Variants in TTLL10 observed in about 807,000 individuals in gnomAD.
TTLL10 encodes the protein inactive polyglycylase TTLL10.
In TTLL10, 61 loss-of-function variants were observed where a neutral mutation model predicts 69.0. The ratio of observed to expected loss-of-function variants is 0.88; its 90% CI spans 0.72 to 1.09. TTLL10 has a LOEUF of 1.09. Among genes scored for constraint, TTLL10 ranks in the 50% least tolerant of loss-of-function variants. The pLI is 0.00. For missense variants in TTLL10, 962 were observed against 945.9 expected (o/e 1.02, Z -0.22); for synonymous variants, 408 against 393.3 (o/e 1.04, Z -0.44).
chr1:1,180,987 C>G, intron 8 of TTLL10, 127 bp downstream of exon 8: 1 of 813,496 alleles, frequency 1.2e-6, no homozygotes. Flanking sequence ...CCCCTGGCCA[C>G]CCAGGCTCCC....
At chr1:1,174,869 G>C (rs544678247) in intron 3 of TTLL10, 1 of 152,382 alleles carries the variant, frequency 6.6e-6, no homozygotes, top group South Asian at 2.1e-4. Context: ...TGTAATCCCA[G>C]CACTTTGGGA....
rs774095895 is a variant in TTLL10, at chr1:1,180,232, C to T, written c.398C>T (p.Pro133Leu). The T allele has an allele frequency of 1.1e-5, 17 of 1,607,502 alleles. No homozygotes were observed. The South Asian group carries it at 1.1e-4, about 10-fold the overall frequency. Residue 133 changes from proline to leucine, a missense_variant, in exon 6 of 16, where the codon CCC (proline) becomes CTC (leucine). Transcript: ENST00000379289. ...ADSDDTNAAG[P>L]SAALLEGLLL... ...TCGGATGACACTAACGCCGCCGGGC[C>T]CTCAGCTGCCCTCCTGGAGGGGCTC...
At position 1,181,617 on chromosome 1, in the gene TTLL10, A is replaced by T; in HGVS notation, c.756-124A>T. ...CCCAGGCACCGCCGTCCACCCAGCC[A>T]CCTCCTTCCACCACAACTCACAGTC... On this transcript the variant is annotated intron_variant, in intron 8 of 15. Coordinates refer to ENST00000379289, the MANE Select transcript of TTLL10 (RefSeq NM_001130045.2). The surrounding 1 kb of genome is among the most constrained non-coding windows in gnomAD (Gnocchi z 4.6). 5 of 844,524 alleles carry T rather than the reference A, an allele frequency of 5.9e-6. 1 individual carries two copies. In the South Asian group the frequency reaches 8.6e-5, roughly 15 times the overall value. The allele number at this position is 844,524 out of a possible 1,614,324, so 52.3% of individuals were successfully genotyped here. A position where few individuals can be genotyped will look rare whatever the true frequency, so the allele number is the denominator to read the frequency against.
chr1:1,186,939 C>T (rs7415847), intron 13 of TTLL10, among the ~76,000 whole-genome samples: 20,101 of 151,176 alleles, frequency 0.13, 2,461 homozygotes, highest in East Asian at 0.58. Flanking sequence ...CTCCGCCTCC[C>T]GGGTTCACGC....
intron 13 of TTLL10, among the ~76,000 whole-genome samples, chr1:1,190,334 A>AT (rs1458018853): frequency 7.0e-6 from 1 of 143,534 alleles, no homozygotes; most frequent in African/African-American, 2.6e-5. Context: ...GGTTTCACTG[A>AT]TTTTCTCTAC....
In TTLL10 at chr1:1,185,411, G is replaced by A. The variant is rs1647247899; in HGVS notation, c.1401+302G>A. 3 of 1,258,326 alleles carry A rather than the reference G, an allele frequency of 2.4e-6. No individual in the cohort carries two copies. In the Admixed American group the frequency reaches 1.2e-4, roughly 50 times the overall value. The allele number at this position is 1,258,326 out of a possible 1,614,324, so 77.9% of individuals were successfully genotyped here. A position where few individuals can be genotyped will look rare whatever the true frequency, so the allele number is the denominator to read the frequency against. On this transcript the variant is annotated intron_variant, in intron 13 of 15. Coordinates refer to ENST00000379289, the MANE Select transcript of TTLL10 (RefSeq NM_001130045.2). The surrounding 1 kb of genome is among the most constrained non-coding windows in gnomAD (Gnocchi z 6.1). ...TCGGCTTCAGTGACAGCCACCATGT[G>A]AAGAGTCTTTGTTCCTTTCAGATCC...
chr1:1,175,982 G>A (rs1444964374), intron 3 of TTLL10: 1 of 444,144 alleles, frequency 2.3e-6, no homozygotes, highest in Non-Finnish European at 4.5e-6. Flanking sequence ...ACGCTGTGCA[G>A]GTGGAGAGGC....
chr1:1,180,543 C>T lies in TTLL10; in HGVS notation c.567C>T (p.Asp189=). The T allele has an allele frequency of 6.4e-7, 1 of 1,553,164 alleles. No homozygotes were observed. The highest frequency in any genetic ancestry group is 1.4e-5 in the African/African-American group (1 of 73,400). Residue 189 remains aspartate, a synonymous_variant, in exon 7 of 16, where the codon GAC becomes GAT. Coordinates refer to ENST00000379289, the MANE Select transcript of TTLL10 (RefSeq NM_001130045.2). Reference sequence around the variant, plus strand: ...GCATCCATGACAGCCGCCGGGACGACTACACGCTGAAGTGGTGTGAGGTCA... The same window carrying T: ...GCATCCATGACAGCCGCCGGGACGATTACACGCTGAAGTGGTGTGAGGTCA... ...WQRIHDSRRD[D]YTLKWCEVKS...
At chr1:1,176,208 G>C (rs1010188282) in intron 3 of TTLL10, 36 of 449,552 alleles carry the variant, frequency 8.0e-5, no homozygotes, top group African/African-American at 6.8e-4. Context: ...TGGAGAGGCT[G>C]CTGCTCCCAG....
chr1:1,182,895 C>CA lies in TTLL10; in HGVS notation c.938dup (p.Pro314AlafsTer64). 3.1e-6 allele frequency: 5 copies of CA among 1,588,454 alleles called. No individual in the cohort carries two copies. The highest frequency in any genetic ancestry group is 4.3e-6 in the Non-Finnish European group (5 of 1,167,348). On this transcript the variant is annotated frameshift_variant, in exon 11 of 16. Coordinates refer to ENST00000379289, the MANE Select transcript of TTLL10 (RefSeq NM_001130045.2). LOFTEE classifies it high-confidence loss of function. ...CTGCAGAAACCCAGATATGGATCTG[C>CA]AAGCCCACAGCCTCCAACCAGGGCA...
At chr1:1,180,457 G>GGGCCCCC in intron 6 of TTLL10, 26 bp from the exon 7 acceptor site, 1 of 1,520,748 alleles carries the variant, frequency 6.6e-7, no homozygotes, top group Non-Finnish European at 8.9e-7. Flanking sequence ...CGGCCCCCAG[G>GGGCCCCC]TCACCCCCGC....
chr1:1,190,613 G>A (rs1281282857), intron 13 of TTLL10, among the ~76,000 whole-genome samples: 2 of 151,086 alleles, frequency 1.3e-5, no homozygotes, highest in African/African-American at 4.9e-5. Context: ...TATTTCTAAT[G>A]GAGATGGGGT....
chr1:1,192,224 G>T (rs996274556), intron 13 of TTLL10, among the ~76,000 whole-genome samples: 19 of 150,278 alleles, frequency 1.3e-4, no homozygotes, highest in African/African-American at 4.4e-4. Context: ...CTTCAGATCT[G>T]TCAGTTTTTT....
chr1:1,174,605 G>T (rs1319864036), intron 3 of TTLL10, 116 bp downstream of exon 3: 1 of 152,192 alleles, frequency 6.6e-6, no homozygotes, highest in African/African-American at 2.4e-5. Context: ...GGCGTCACCG[G>T]CTTCCCAAGT....
chr1:1,197,688 TC>T lies in TTLL10; in HGVS notation c.1867del (p.Arg623GlyfsTer?), dbSNP rs1467847998. On this transcript the variant is annotated frameshift_variant, in exon 16 of 16. Transcript: ENST00000379289. LOFTEE classifies it high-confidence loss of function. Reference protein sequence around the residue: ...PAPPPLVPQRPRPPGPDLDSA... With the variant: ...PAPPPLVPQRXRPPGPDLDSA... ...CGCCACCTCCCTTGGTGCCGCAGCG[TC>T]CCCGGCCACCCGGCCCCGACCTGGA... is the stretch of plus-strand genomic sequence containing the variant. 1 of 1,509,198 alleles carries T rather than the reference TC, an allele frequency of 6.6e-7. No individual in the cohort carries two copies. Among genetic ancestry groups the T allele is most frequent in the Non-Finnish European group, 8.8e-7 (1 of 1,135,532 alleles). 93.5% of individuals were successfully genotyped at this position (1,509,198 alleles called of 1,614,324 possible).
Position 1,196,580 on chromosome 1 carries a change from G to T in TTLL10, c.1402-20G>T. 1.3e-6 allele frequency: 2 copies of T among 1,538,904 alleles called. No homozygotes were observed. The highest frequency in any genetic ancestry group is 1.8e-6 in the Non-Finnish European group (2 of 1,135,576). On this transcript the variant is annotated intron_variant, in intron 13 of 15. Transcript: ENST00000379289. ...AGGGCCTACGGGCCGCAGCCAGGATGCCTCCCTGCCTCCCTGCAGAAGCGG... is the reference window on the plus strand; with the variant it reads ...AGGGCCTACGGGCCGCAGCCAGGATTCCTCCCTGCCTCCCTGCAGAAGCGG...
Position 1,197,759 on chromosome 1 carries a change from C to A in TTLL10, c.1934C>A (p.Ser645Ter). 6.5e-7 allele frequency: 1 copy of A among 1,535,554 alleles called. No individual in the cohort carries two copies. The change falls in exon 16 of 16, where the codon TCG (serine) becomes TAG (stop). Residue 645 changes from serine to a stop codon, truncating the protein, a stop_gained. Transcript: ENST00000379289. LOFTEE classifies it high-confidence loss of function. The part of the protein sequence containing the change: ...GEPQAPGTEQ[S>*]GTGNRHPAQE... ...CCCCAGGCCCCGGGCACGGAGCAGT[C>A]GGGCACAGGCAACAGGCACCCGGCG...
At chr1:1,191,100 G>T (rs545400808) in intron 13 of TTLL10, among the ~76,000 whole-genome samples, 1 of 152,218 alleles carries the variant, frequency 6.6e-6, no homozygotes, top group Non-Finnish European at 1.5e-5. Flanking sequence ...GATTATAGGC[G>T]TGAGCCATGA....
chr1:1,179,532 C>G, intron 4 of TTLL10, 125 bp from the exon 5 acceptor site: 1 of 1,469,000 alleles, frequency 6.8e-7, no homozygotes, highest in Non-Finnish European at 9.2e-7. Flanking sequence ...TGTCGCGCTC[C>G]GCGGCCCAGG....
Sources: gnomAD v4.1 joint callset for allele counts (sites outside exome capture counted in the v4.1 genomes callset) on GRCh38, gnomAD v4.1.1 for gene constraint, Gnocchi (gnomAD v3.1) non-coding constraint, MANE v1.5 for transcripts, NCBI Gene and HGNC (gene_info 2026-07-23, HGNC 2026-07-21) for gene names.